Variants in DDX24 observed in about 807,000 individuals in gnomAD.
The protein encoded by DDX24 is DEAD-box helicase 24, also known as ATP-dependent RNA helicase DDX24.
DDX24 carries 24 observed loss-of-function variants against 68.9 expected under a neutral mutation model. That is an observed-to-expected ratio of 0.35 (90% CI 0.25 to 0.49). The LOEUF is 0.49. Ranked by LOEUF, DDX24 falls within the 20% of genes least tolerant of loss-of-function variation. The probability of loss-of-function intolerance (pLI) is 0.99; values close to 1 mark genes in which losing one functional copy is unlikely to be tolerated. For synonymous variants in DDX24, 395 were observed against 385.2 expected (o/e 1.03, Z -0.30); for missense variants, 989 against 1,039.0 (o/e 0.95, Z 0.66).
chr14:94,075,405 G>T (rs1327553298), intron 2 of DDX24, among the ~76,000 whole-genome samples: 2 of 152,166 alleles, frequency 1.3e-5, no homozygotes, highest in Admixed American at 1.3e-4. Flanking sequence ...AGTGGAGAAA[G>T]AATAGTTTTT....
chr14:94,077,949 A>G (rs1885978154), intron 2 of DDX24, among the ~76,000 whole-genome samples: 1 of 152,078 alleles, frequency 6.6e-6, no homozygotes, highest in Non-Finnish European at 1.5e-5. Context: ...ATTTTAAATT[A>G]CTTATGTGTT....
intron 7 of DDX24, chr14:94,053,458 T>C: frequency 2.3e-5 from 5 of 214,354 alleles, no homozygotes; most frequent in South Asian, 7.2e-5. Context: ...ATCTTTCCAC[T>C]TCAGCCTCCT....
In DDX24 at chr14:94,051,391, G is replaced by T. The variant is rs768576218; in HGVS notation, c.2380C>A (p.His794Asn). Reference sequence around the variant, plus strand: ...GTAAACAGTGGCTGGGACAGCAGGTGGCGCAGCTCCTTCTTCAGAACCTTC... The same window carrying T: ...GTAAACAGTGGCTGGGACAGCAGGTTGCGCAGCTCCTTCTTCAGAACCTTC... ...QMKVLKKELR[H>N]LLSQPLFTES... Residue 794 changes from histidine to asparagine, a missense_variant, in exon 9 of 9, where the codon CAC becomes AAC. Coordinates refer to ENST00000621632, the MANE Select transcript of DDX24 (RefSeq NM_020414.4). 2 of 1,607,674 alleles carry T rather than the reference G, an allele frequency of 1.2e-6. No individual in the cohort carries two copies. Among genetic ancestry groups the T allele is most frequent in the South Asian group, 2.2e-5 (2 of 89,664 alleles).
At chr14:94,052,147 G>C (rs1885399637) in intron 8 of DDX24, among the ~76,000 whole-genome samples, 1 of 152,262 alleles carries the variant, frequency 6.6e-6, no homozygotes, top group Admixed American at 6.5e-5. Context: ...GTCTGCCTCT[G>C]AATTTGCTGA....
At chr14:94,063,813 G>A (rs1885643248) in intron 2 of DDX24, among the ~76,000 whole-genome samples, 1 of 152,208 alleles carries the variant, frequency 6.6e-6, no homozygotes, top group Non-Finnish European at 1.5e-5. Flanking sequence ...TGAGGCAGGA[G>A]GATTGCTTGA....
chr14:94,051,165 G>A lies in DDX24; in HGVS notation c.*26C>T. On this transcript the variant is annotated 3_prime_UTR_variant, in exon 9 of 9. Transcript: ENST00000621632. ...AAATAGCCAGAGAACAGAAACCAAT[G>A]TGCAGTCACTGACACACTTGACCAG... 4 of 1,492,126 alleles carry A rather than the reference G, an allele frequency of 2.7e-6. No homozygotes were observed. The South Asian group carries it at 4.1e-5, about 15-fold the overall frequency. 92.4% of individuals were successfully genotyped at this position (1,492,126 alleles called of 1,614,324 possible).
intron 3 of DDX24, 58 bp downstream of exon 3, chr14:94,062,039 A>G: frequency 1.3e-6 from 2 of 1,512,656 alleles, no homozygotes; most frequent in Admixed American, 4.2e-5. Flanking sequence ...ATTCATCTTT[A>G]CCAACGAGCA....
intron 8 of DDX24, among the ~76,000 whole-genome samples, chr14:94,052,540 C>G (rs949880338): frequency 1.3e-5 from 2 of 152,214 alleles, no homozygotes; most frequent in African/African-American, 2.4e-5. Flanking sequence ...AAATGTAATA[C>G]TTTCTATTTG....
At position 94,071,150 on chromosome 14, in the gene DDX24, C is replaced by T. The variant is rs139784267; in HGVS notation, c.718+7875G>A. 5.5e-4 allele frequency among the ~76,000 whole-genome samples: 84 copies of T among 151,894 alleles called. 2 individuals carry two copies. The highest frequency in any genetic ancestry group is 2.0e-3 in the African/African-American group (83 of 41,420). On this transcript the variant is annotated intron_variant, in intron 2 of 8. Coordinates refer to ENST00000621632, the MANE Select transcript of DDX24 (RefSeq NM_020414.4). ...TAATATCCAGAATCTACAGCAAACT[C>T]AAACAAATCAGTAAGAAAAAAAAAT... is the stretch of plus-strand genomic sequence containing the variant.
At position 94,050,191 on chromosome 14, in the gene DDX24, AG is replaced by A. The variant is rs1410691623; in HGVS notation, c.*999del. On this transcript the variant is annotated 3_prime_UTR_variant, in exon 9 of 9. Coordinates refer to ENST00000621632, the MANE Select transcript of DDX24 (RefSeq NM_020414.4). The stretch of plus-strand genomic sequence containing the variant: ...ATCCAGACAAAGCTGGGGCAGCATC[AG>A]GAAGTCCCTAGTTCCCTGAGCACAT... 1.3e-5 allele frequency: 2 copies of A among 152,238 alleles called. No individual in the cohort carries two copies. The highest frequency in any genetic ancestry group is 4.8e-5 in the African/African-American group (2 of 41,440). The allele number at this position is 152,238 out of a possible 1,614,324, so 9.4% of individuals were successfully genotyped here. A position where few individuals can be genotyped will look rare whatever the true frequency, so the allele number is the denominator to read the frequency against.
chr14:94,053,506 G>C lies in DDX24; in HGVS notation c.2179-379C>G, dbSNP rs117962592. 9.6e-3 allele frequency: 1,620 copies of C among 168,954 alleles called. 41 individuals are homozygous for C. The East Asian group carries it at 0.097, about 10-fold the overall frequency. 10.5% of individuals were successfully genotyped at this position (168,954 alleles called of 1,614,324 possible). On this transcript the variant is annotated intron_variant, in intron 7 of 8. Coordinates refer to ENST00000621632, the MANE Select transcript of DDX24 (RefSeq NM_020414.4). Reference sequence around the variant, plus strand: ...TTACAGGCGTGAGCCACCGTGCCCAGCAAGTAGTGTTTTTAAAAAGCTCTT... The same window carrying C: ...TTACAGGCGTGAGCCACCGTGCCCACCAAGTAGTGTTTTTAAAAAGCTCTT...
intron 1 of DDX24, among the ~76,000 whole-genome samples, chr14:94,080,862 G>C (rs1259251650): frequency 1.3e-5 from 2 of 152,202 alleles, no homozygotes; most frequent in Non-Finnish European, 1.5e-5. Flanking sequence ...CTCTCGCTTT[G>C]TCTCAGGCAC....
intron 2 of DDX24, 74 bp from the exon 3 acceptor site, chr14:94,062,695 A>G: frequency 6.6e-7 from 1 of 1,512,464 alleles, no homozygotes; most frequent in Non-Finnish European, 8.8e-7. Context: ...TCTGGAATTC[A>G]TTCTTTTGCA....
At position 94,051,042 on chromosome 14, in the gene DDX24, A is replaced by G; in HGVS notation, c.*149T>C. The G allele has an allele frequency of 2.3e-6, 2 of 867,032 alleles. No individual in the cohort carries two copies. Among genetic ancestry groups the G allele is most frequent in the South Asian group, 2.6e-5 (1 of 38,618 alleles). The allele number at this position is 867,032 out of a possible 1,614,324, so 53.7% of individuals were successfully genotyped here. ...TTACTCCAAAACAATGCAAATCTGC[A>G]TGAGGTCTCTCCCGCTATGGGTGTG... is the stretch of plus-strand genomic sequence containing the variant. On this transcript the variant is annotated 3_prime_UTR_variant, in exon 9 of 9. Transcript: ENST00000621632.
At chr14:94,075,131 T>C (rs1334573662) in intron 2 of DDX24, among the ~76,000 whole-genome samples, 1 of 152,210 alleles carries the variant, frequency 6.6e-6, no homozygotes, top group East Asian at 1.9e-4. Flanking sequence ...TCAGCTTACT[T>C]TTTTTGTAGA....
chr14:94,058,412 T>G (rs1258784445), intron 5 of DDX24, among the ~76,000 whole-genome samples: 4 of 152,210 alleles, frequency 2.6e-5, no homozygotes, highest in Non-Finnish European at 5.9e-5. Flanking sequence ...CATCAGAGAC[T>G]GACCACACAT....
At position 94,050,997 on chromosome 14, in the gene DDX24, T is replaced by G. The variant is rs992234561; in HGVS notation, c.*194A>C. 4 of 504,174 alleles carry G rather than the reference T, an allele frequency of 7.9e-6. No homozygotes were observed. Among genetic ancestry groups the G allele is most frequent in the Middle Eastern group, 5.4e-4 (1 of 1,868 alleles). The allele number at this position is 504,174 out of a possible 1,614,324, so 31.2% of individuals were successfully genotyped here. ...TATAAACACTGCAATACAGAAAAAT[T>G]AAGCTGCTGCATTGAATTCTTACTC... On this transcript the variant is annotated 3_prime_UTR_variant, in exon 9 of 9. Transcript: ENST00000621632.
chr14:94,051,692 C>T (rs1885391378), intron 8 of DDX24: 1 of 436,232 alleles, frequency 2.3e-6, no homozygotes, highest in African/African-American at 2.0e-5. Flanking sequence ...CCATAAAAAT[C>T]CTCCAAGACT....
At chr14:94,054,148 T>G (rs771338940) in intron 7 of DDX24, among the ~76,000 whole-genome samples, 3 of 152,168 alleles carry the variant, frequency 2.0e-5, no homozygotes, top group Non-Finnish European at 2.9e-5. Context: ...GGTTTTGGGG[T>G]TACAGTGCAG....
Sources: allele counts gnomAD v4.1 joint callset (sites outside exome capture counted in the v4.1 genomes callset), GRCh38; gene constraint gnomAD v4.1.1; transcripts MANE v1.5; gene names NCBI Gene and HGNC (gene_info 2026-07-23, HGNC 2026-07-21).